Variants in PDZK1 observed in about 807,000 individuals in gnomAD.
PDZK1 encodes the protein PDZ domain containing 1.
PDZK1 carries 23 observed loss-of-function variants against 38.1 expected under a neutral mutation model. The observed-to-expected ratio is 0.60, with a 90% CI of 0.43 to 0.85. The LOEUF (loss-of-function observed/expected upper bound fraction) is 0.85. Ranked by LOEUF, PDZK1 falls within the 40% of genes least tolerant of loss-of-function variation. The pLI is 0.00. For missense variants in PDZK1, 297 were observed against 504.3 expected (o/e 0.59, Z 3.94); for synonymous variants, 98 against 186.2 (o/e 0.53, Z 3.86).
At chr1:145,674,422 A>G (rs1164445969) in intron 6 of PDZK1, 1 of 403,898 alleles carries the variant, frequency 2.5e-6, no homozygotes, top group Non-Finnish European at 3.3e-6. Context: ...GAAGCCCGGC[A>G]AAGCATTATT....
At chr1:145,699,726 T>C (rs1553704718) in intron 1 of PDZK1, among the ~76,000 whole-genome samples, 1 of 152,160 alleles carries the variant, frequency 6.6e-6, no homozygotes, top group African/African-American at 2.4e-5. Flanking sequence ...CAAAAGGGAA[T>C]CTGTATTTTT....
intron 1 of PDZK1, among the ~76,000 whole-genome samples, chr1:145,696,798 A>G (rs1559077502): frequency 6.6e-6 from 1 of 152,214 alleles, no homozygotes. Context: ...CAGAAATGTG[A>G]TGCCATTAAA....
At chr1:145,704,910 T>C (rs1553705494) in intron 1 of PDZK1, among the ~76,000 whole-genome samples, 1 of 152,156 alleles carries the variant, frequency 6.6e-6, no homozygotes. Context: ...GAACACCTCA[T>C]CAAAGCCATC....
At chr1:145,679,418 T>C (rs1654022076) in intron 5 of PDZK1, among the ~76,000 whole-genome samples, 1 of 152,148 alleles carries the variant, frequency 6.6e-6, no homozygotes, top group Non-Finnish European at 1.5e-5. Flanking sequence ...CTAAGTCCTC[T>C]GATGCTACCA....
chr1:145,692,152 C>G (rs1187893265), intron 1 of PDZK1, among the ~76,000 whole-genome samples: 1 of 152,118 alleles, frequency 6.6e-6, no homozygotes, highest in African/African-American at 2.4e-5. Flanking sequence ...GGTATGACCT[C>G]TGGATCTGGC....
chr1:145,686,581 A>G lies in PDZK1; in HGVS notation c.356T>C (p.Leu119Pro). Reference sequence around the variant, plus strand: ...CACACCTCCATTCATCACAGGGGAAAGTATATTATCACTCAAACCTTGCTC... The same window carrying G: ...CACACCTCCATTCATCACAGGGGAAGGTATATTATCACTCAAACCTTGCTC... ...QKEQGLSDNI[L>P]SPVMNGGVQT... The change falls in exon 3 of 9, where the codon CTT (leucine) becomes CCT (proline). Residue 119 changes from leucine (L) to proline (P), a missense_variant. Coordinates refer to ENST00000417171, the MANE Select transcript of PDZK1 (RefSeq NM_001201325.2). 1.2e-6 allele frequency: 2 copies of G among 1,608,664 alleles called. No homozygotes were observed. Among genetic ancestry groups the G allele is most frequent in the South Asian group, 2.2e-5 (2 of 90,710 alleles).
In PDZK1 at chr1:145,679,131, T is replaced by G. The variant is rs587620566; in HGVS notation, c.794-486A>C. Among the ~76,000 whole-genome samples, 220 of 151,670 alleles carry G rather than the reference T, an allele frequency of 1.5e-3. 3 individuals are homozygous for G. In the South Asian group the frequency reaches 0.017, roughly 12 times the overall value. ...ATATATTTGTATATACATGCCTCCA[T>G]GTGCTTTGGCCTTCTGGTATCTTCA... On this transcript the variant is annotated intron_variant, in intron 5 of 8. Coordinates refer to ENST00000417171, the MANE Select transcript of PDZK1 (RefSeq NM_001201325.2).
chr1:145,701,410 A>G (rs1655954962), intron 1 of PDZK1, among the ~76,000 whole-genome samples: 2 of 151,844 alleles, frequency 1.3e-5, no homozygotes, highest in Admixed American at 1.3e-4. Flanking sequence ...ACTGAACTCC[A>G]TGCTTGCCTA....
intron 1 of PDZK1, among the ~76,000 whole-genome samples, chr1:145,699,279 GT>G (rs1437741492): frequency 2.0e-5 from 3 of 151,908 alleles, no homozygotes; most frequent in Non-Finnish European, 4.4e-5. Context: ...TTAGCTGGGC[GT>G]GGTTGTGCGT....
At chr1:145,676,866 T>G (rs1201367925) in intron 6 of PDZK1, among the ~76,000 whole-genome samples, 2 of 152,070 alleles carry the variant, frequency 1.3e-5, no homozygotes, top group Non-Finnish European at 2.9e-5. Context: ...ACCCTTGTCA[T>G]TGCCTTCTTA....
chr1:145,684,094 G>A lies in PDZK1; in HGVS notation c.461-1458C>T, dbSNP rs1283795622. Among the ~76,000 whole-genome samples the A allele has an allele frequency of 7.9e-5, 12 of 151,088 alleles. No homozygotes were observed. The East Asian group carries it at 1.2e-3, about 15-fold the overall frequency. On this transcript the variant is annotated intron_variant, in intron 3 of 8. Transcript: ENST00000417171. ...ACTCCTGACCTCAGGTAATCCACTCGCCTCGCACTCTCAAAGCGCTAGGAT... is the reference window on the plus strand; with the variant it reads ...ACTCCTGACCTCAGGTAATCCACTCACCTCGCACTCTCAAAGCGCTAGGAT...
At chr1:145,677,929 A>AC (rs1438253316) in intron 6 of PDZK1, among the ~76,000 whole-genome samples, 3 of 150,430 alleles carry the variant, frequency 2.0e-5, no homozygotes, top group Non-Finnish European at 3.0e-5. Context: ...AAAAAAAAAA[A>AC]AAAAAAAAAA....
intron 2 of PDZK1, 67 bp from the exon 3 acceptor site, chr1:145,686,793 C>T (rs1654813137): frequency 1.1e-5 from 8 of 740,704 alleles, no homozygotes; most frequent in Non-Finnish European, 1.8e-5. Flanking sequence ...AAATGCTGAC[C>T]ATCTGGCTCA....
intron 1 of PDZK1, among the ~76,000 whole-genome samples, chr1:145,691,095 C>A (rs782728085): frequency 2.0e-5 from 3 of 152,220 alleles, no homozygotes; most frequent in African/African-American, 4.8e-5. Context: ...TACTCCCCAC[C>A]ACACAGCCAT....
chr1:145,687,774 A>C, intron 2 of PDZK1, 38 bp downstream of exon 2: 1 of 1,526,920 alleles, frequency 6.5e-7, no homozygotes, highest in Non-Finnish European at 9.1e-7. Context: ...TGGGGGCTGA[A>C]GAGATCCTGG....
chr1:145,686,173 C>G (rs1469667885), intron 3 of PDZK1, among the ~76,000 whole-genome samples: 9 of 152,158 alleles, frequency 5.9e-5, no homozygotes, highest in Non-Finnish European at 1.2e-4. Flanking sequence ...AGCATCAACC[C>G]TCTGGCCCCC....
intron 5 of PDZK1, among the ~76,000 whole-genome samples, chr1:145,679,954 T>C (rs587768008): frequency 4.9e-4 from 74 of 152,042 alleles, no homozygotes; most frequent in African/African-American, 9.4e-4. Context: ...GTTCACATGA[T>C]TCCCACCTTC....
chr1:145,679,964 C>T (rs191493196), intron 5 of PDZK1, among the ~76,000 whole-genome samples: 86 of 152,310 alleles, frequency 5.6e-4, no homozygotes, highest in Admixed American at 2.2e-3. Context: ...TTCCCACCTT[C>T]CTGGAATGAT....
chr1:145,677,115 A>G (rs1438061161), intron 6 of PDZK1, among the ~76,000 whole-genome samples: 3 of 152,214 alleles, frequency 2.0e-5, no homozygotes, highest in Non-Finnish European at 4.4e-5. Flanking sequence ...GGTCATCTCT[A>G]GAAGCCAAGT....
Sources: allele counts gnomAD v4.1 joint callset (sites outside exome capture counted in the v4.1 genomes callset), GRCh38; gene constraint gnomAD v4.1.1; transcripts MANE v1.5; gene names NCBI Gene and HGNC (gene_info 2026-07-23, HGNC 2026-07-21).